Variants in ADGRV1 observed in about 807,000 individuals in gnomAD.
ADGRV1 encodes G-protein coupled receptor 98.
A neutral mutation model predicts 596.2 loss-of-function variants in ADGRV1; 359 were observed. The ratio of observed to expected loss-of-function variants is 0.60; its 90% confidence interval spans 0.55 to 0.66. The LOEUF (loss-of-function observed/expected upper bound fraction) is 0.66. Among genes scored for constraint, ADGRV1 ranks in the 30% least tolerant of loss-of-function variants. The pLI is 0.00. For synonymous variants in ADGRV1, 2,681 were observed against 2,679.2 expected (o/e 1.00, Z -0.02); for missense variants, 7,274 against 7,575.6 (o/e 0.96, Z 1.48).
intron 68 of ADGRV1, among the ~76,000 whole-genome samples, chr5:90,788,877 C>G (rs962687235): frequency 6.6e-6 from 1 of 151,738 alleles, no homozygotes; most frequent in Non-Finnish European, 1.5e-5. Flanking sequence ...CACACACACA[C>G]ACACACACAC....
At chr5:90,845,415 TG>T (rs946761551) in intron 78 of ADGRV1, among the ~76,000 whole-genome samples, 2 of 152,122 alleles carry the variant, frequency 1.3e-5, no homozygotes, top group African/African-American at 4.8e-5. Context: ...AAAGAAACTT[TG>T]TTTTTTTTTA....
At chr5:91,156,022 G>A (rs1366615440) in intron 89 of ADGRV1, among the ~76,000 whole-genome samples, 2 of 152,150 alleles carry the variant, frequency 1.3e-5, no homozygotes, top group Admixed American at 6.5e-5. Flanking sequence ...CACCACAATG[G>A]CTGACTAAAA....
intron 5 of ADGRV1, among the ~76,000 whole-genome samples, 158 bp from the exon 6 acceptor site, chr5:90,624,972 G>A (rs1764548740): frequency 1.3e-5 from 2 of 152,114 alleles, no homozygotes; most frequent in South Asian, 4.1e-4. Context: ...TACGTTATAG[G>A]ACCTATTAAT....
At chr5:91,063,438 T>C (rs1476498008) in intron 85 of ADGRV1, among the ~76,000 whole-genome samples, 1 of 152,212 alleles carries the variant, frequency 6.6e-6, no homozygotes, top group Non-Finnish European at 1.5e-5. Flanking sequence ...CATAGCATTC[T>C]ATTTTTAGTA....
Position 90,617,931 on chromosome 5 carries a change from T to C in ADGRV1, c.335T>C (p.Phe112Ser). ...DDDLPEPDETFIFHLTLQKPS... is the reference protein window; with the variant it reads ...DDDLPEPDETSIFHLTLQKPS... Reference sequence around the variant, plus strand: ...GACTTACCAGAGCCTGACGAAACTTTTATTTTTCACTTAACATTACAGGTA... The same window carrying C: ...GACTTACCAGAGCCTGACGAAACTTCTATTTTTCACTTAACATTACAGGTA... Residue 112 changes from phenylalanine to serine, a missense_variant, in exon 3 of 90, where the codon TTT (phenylalanine) becomes TCT (serine). Physicochemically the swap from Phe to Ser is radical, Grantham distance 155 (BLOSUM62 -2). This residue lies in a region of ADGRV1 where 1,715 missense variants were observed against 1,708.8 expected (regional missense o/e 1.00). Transcript: ENST00000405460. 1 of 1,581,190 alleles carries C rather than the reference T, an allele frequency of 6.3e-7. No homozygotes were observed. Among genetic ancestry groups the C allele is most frequent in the Non-Finnish European group, 8.6e-7 (1 of 1,161,866 alleles).
chr5:90,667,399 G>T (rs1771623387), intron 21 of ADGRV1, among the ~76,000 whole-genome samples: 1 of 147,228 alleles, frequency 6.8e-6, no homozygotes, highest in Admixed American at 6.9e-5. Flanking sequence ...CCAGTTGATT[G>T]CATCAGCTCC....
intron 77 of ADGRV1, among the ~76,000 whole-genome samples, chr5:90,829,735 C>T (rs756059129): frequency 6.6e-5 from 10 of 152,190 alleles, no homozygotes; most frequent in Admixed American, 1.3e-4. Flanking sequence ...GTCACCAGAC[C>T]GTGGGCTTGG....
intron 83 of ADGRV1, among the ~76,000 whole-genome samples, chr5:90,908,176 C>T (rs184322658): frequency 2.0e-4 from 31 of 152,178 alleles, no homozygotes; most frequent in Non-Finnish European, 4.1e-4. Flanking sequence ...ATTAATGTTA[C>T]GATAATCCAT....
At chr5:91,031,272 C>G (rs188175213) in intron 85 of ADGRV1, 2 of 1,582,796 alleles carry the variant, frequency 1.3e-6, no homozygotes, top group Non-Finnish European at 1.7e-6. Context: ...CCAAGGCCAG[C>G]CTGTTGTAAG....
intron 11 of ADGRV1, chr5:90,640,687 C>T (rs938018557): frequency 6.6e-6 from 1 of 152,586 alleles, no homozygotes; most frequent in Non-Finnish European, 1.5e-5. Context: ...CCATAAAACG[C>T]ACATTACTAG....
chr5:91,157,792 T>G (rs1326761380), intron 89 of ADGRV1, among the ~76,000 whole-genome samples: 1 of 152,202 alleles, frequency 6.6e-6, no homozygotes, highest in Non-Finnish European at 1.5e-5. Flanking sequence ...GATATGGAAA[T>G]TCAAGATCTG....
At chr5:90,857,940 T>A (rs1004210068) in intron 82 of ADGRV1, among the ~76,000 whole-genome samples, 5 of 152,218 alleles carry the variant, frequency 3.3e-5, no homozygotes, top group African/African-American at 7.2e-5. Context: ...AACCTTTTTT[T>A]AAAAAAACAG....
chr5:91,139,664 G>GTTA (rs1794937792), intron 87 of ADGRV1, among the ~76,000 whole-genome samples: 1 of 152,208 alleles, frequency 6.6e-6, no homozygotes, highest in Non-Finnish European at 1.5e-5. Flanking sequence ...TTATCATGTA[G>GTTA]TTATCAAACT....
chr5:90,996,831 A>G (rs1004641924), intron 85 of ADGRV1, among the ~76,000 whole-genome samples: 7 of 152,210 alleles, frequency 4.6e-5, no homozygotes, highest in Admixed American at 2.6e-4. Flanking sequence ...GATGTGAGAC[A>G]TAGAATCAAA....
chr5:91,012,416 AC>A (rs1782796633), intron 85 of ADGRV1, among the ~76,000 whole-genome samples: 1 of 151,886 alleles, frequency 6.6e-6, no homozygotes, highest in Non-Finnish European at 1.5e-5. Flanking sequence ...TATTCTTTAG[AC>A]CTTTAAATTA....
chr5:90,627,646 G>A lies in ADGRV1; in HGVS notation c.1108G>A (p.Asp370Asn), dbSNP rs749192669. ...GTTACTAAAAGATACCTTACAGGGA[G>A]ATGCTGTGCTAATAAGCCCTTCTGT... ...IMLLKDTLQG[D>N]AVLISPSVVQ... Residue 370 changes from aspartate (D) to asparagine (N), a missense_variant, in exon 7 of 90, where the codon GAT (aspartate) becomes AAT (asparagine). Transcript: ENST00000405460. 6.2e-7 allele frequency: 1 copy of A among 1,613,858 alleles called. No individual in the cohort carries two copies. The highest frequency in any genetic ancestry group is 8.5e-7 in the Non-Finnish European group (1 of 1,179,806).
chr5:90,796,814 T>C (rs1234652255), intron 70 of ADGRV1, among the ~76,000 whole-genome samples: 1 of 152,132 alleles, frequency 6.6e-6, no homozygotes, highest in Non-Finnish European at 1.5e-5. Context: ...TGGGGGCCAA[T>C]ATTCAACATT....
intron 35 of ADGRV1, 22 bp downstream of exon 35, chr5:90,703,817 G>A (rs559833467): frequency 4.8e-5 from 75 of 1,547,132 alleles, no homozygotes; most frequent in Middle Eastern, 1.7e-4. Flanking sequence ...AAGAAAAGTC[G>A]ATCACAAATA....
At chr5:91,091,046 A>G (rs1790339523) in intron 86 of ADGRV1, among the ~76,000 whole-genome samples, 1 of 152,168 alleles carries the variant, frequency 6.6e-6, no homozygotes, top group African/African-American at 2.4e-5. Flanking sequence ...TCAGTATTAT[A>G]CAGTAAATTT....
Sources: allele counts gnomAD v4.1 joint callset (sites outside exome capture counted in the v4.1 genomes callset), GRCh38; gene constraint gnomAD v4.1.1; regional missense constraint gnomAD v4.1.1; transcripts MANE v1.5; gene names NCBI Gene and HGNC (gene_info 2026-07-23, HGNC 2026-07-21).